Variants in EXOC4 observed in about 807,000 individuals in gnomAD.
EXOC4 encodes SEC8-like 1.
In EXOC4, 71 loss-of-function variants were observed where a neutral mutation model predicts 107.2. That is an observed-to-expected ratio of 0.66 (90% CI 0.55 to 0.81). EXOC4 has a LOEUF of 0.81. Ranked by LOEUF, EXOC4 falls within the 30% of genes least tolerant of loss-of-function variation. EXOC4 has a pLI of 0.00. For missense variants in EXOC4, 1,108 were observed against 1,189.6 expected (o/e 0.93, Z 1.01); for synonymous variants, 456 against 441.2 (o/e 1.03, Z -0.42).
chr7:134,033,698 C>T (rs1795321611), intron 17 of EXOC4, among the ~76,000 whole-genome samples: 1 of 152,056 alleles, frequency 6.6e-6, no homozygotes. Context: ...TGTTGGGTGC[C>T]CAGTTCAGTG....
At chr7:133,565,606 CA>C (rs1438587982) in intron 9 of EXOC4, among the ~76,000 whole-genome samples, 3 of 152,264 alleles carry the variant, frequency 2.0e-5, no homozygotes, top group South Asian at 2.1e-4. Context: ...TTCAGATATA[CA>C]GTAACCAATC....
At chr7:134,092,708 G>A in the EXOC4 span, among the ~76,000 whole-genome samples, 1 of 151,976 alleles carries the variant, frequency 6.6e-6, no homozygotes, top group Non-Finnish European at 1.5e-5. Flanking sequence ...ATCGTGAAGG[G>A]AGTTATATAC....
rs869078453 is a variant in EXOC4 at position 133,661,689 on chromosome 7, CA to C, written c.1514+31562del. Among the ~76,000 whole-genome samples, 16 of 23,676 alleles carry C rather than the reference CA, an allele frequency of 6.8e-4. No individual in the cohort carries two copies. In the South Asian group the frequency reaches 0.011, roughly 16 times the overall value. The allele number at this position is 23,676 out of a possible 152,430, so 15.5% of individuals were successfully genotyped here. On this transcript the variant is annotated intron_variant, in intron 10 of 17. Coordinates refer to ENST00000253861, the MANE Select transcript of EXOC4 (RefSeq NM_021807.4). ...CTTAAAACTAAAAAAAAAAAAAAAA[CA>C]AAAAAAAAAAAAACAAGAATTTTGA...
intron 9 of EXOC4, among the ~76,000 whole-genome samples, chr7:133,511,048 A>G (rs998435388): frequency 5.3e-5 from 8 of 152,142 alleles, no homozygotes; most frequent in Non-Finnish European, 8.8e-5. Context: ...TAAAATACCT[A>G]AAGTTTGGAC....
At chr7:133,748,144 C>T (rs1795717003) in intron 10 of EXOC4, among the ~76,000 whole-genome samples, 1 of 152,180 alleles carries the variant, frequency 6.6e-6, no homozygotes. Flanking sequence ...AGAGACACTG[C>T]AAAGCCTGTA....
the EXOC4 span, among the ~76,000 whole-genome samples, chr7:134,092,927 A>C: frequency 6.6e-6 from 1 of 151,532 alleles, no homozygotes; most frequent in Non-Finnish European, 1.5e-5. Context: ...CATCTCAAAA[A>C]AAAAAAAAAA....
At chr7:133,338,256 A>G (rs1378823043) in intron 5 of EXOC4, among the ~76,000 whole-genome samples, 1 of 152,076 alleles carries the variant, frequency 6.6e-6, no homozygotes, top group African/African-American at 2.4e-5. Flanking sequence ...AATATACCTC[A>G]TATACACTAA....
chr7:133,819,941 A>C (rs936064935), intron 11 of EXOC4, among the ~76,000 whole-genome samples: 1 of 152,176 alleles, frequency 6.6e-6, no homozygotes, highest in Non-Finnish European at 1.5e-5. Flanking sequence ...TGCCTGTCAG[A>C]TCACTCCCAA....
chr7:133,748,669 C>T (rs1795726222), intron 10 of EXOC4, among the ~76,000 whole-genome samples: 1 of 152,180 alleles, frequency 6.6e-6, no homozygotes, highest in South Asian at 2.1e-4. Flanking sequence ...CCTGTGCTCT[C>T]TCCCTTCCCT....
At chr7:133,874,297 A>G (rs1234914910) in intron 11 of EXOC4, among the ~76,000 whole-genome samples, 7 of 152,204 alleles carry the variant, frequency 4.6e-5, no homozygotes, top group Non-Finnish European at 1.0e-4. Flanking sequence ...TCTGCATGGA[A>G]AAGTCATATA....
intron 9 of EXOC4, among the ~76,000 whole-genome samples, chr7:133,619,510 C>T (rs1355093155): frequency 6.6e-6 from 1 of 152,154 alleles, no homozygotes; most frequent in Non-Finnish European, 1.5e-5. Context: ...GGTTTATTCA[C>T]ATCAGAAATC....
chr7:133,962,499 G>C (rs1407514170), intron 14 of EXOC4, among the ~76,000 whole-genome samples: 1 of 152,086 alleles, frequency 6.6e-6, no homozygotes, highest in East Asian at 1.9e-4. Flanking sequence ...CATAGCTTCA[G>C]CCCGGGCAGA....
At chr7:133,517,704 C>CA (rs1016141160) in intron 9 of EXOC4, among the ~76,000 whole-genome samples, 1 of 151,852 alleles carries the variant, frequency 6.6e-6, no homozygotes, top group South Asian at 2.1e-4. Flanking sequence ...TCAATTACCC[C>CA]CCACTGGATT....
At chr7:133,997,757 C>A in intron 15 of EXOC4, 124 bp downstream of exon 15, 1 of 1,121,558 alleles carries the variant, frequency 8.9e-7, no homozygotes, top group Non-Finnish European at 1.3e-6. Flanking sequence ...TCCCTTTTTA[C>A]ACTGAAAGTG....
At chr7:133,550,159 G>T (rs764165541) in intron 9 of EXOC4, among the ~76,000 whole-genome samples, 1 of 152,100 alleles carries the variant, frequency 6.6e-6, no homozygotes, top group Non-Finnish European at 1.5e-5. Context: ...GAGGTGTTAC[G>T]TAGGAAATCA....
intron 10 of EXOC4, among the ~76,000 whole-genome samples, chr7:133,786,179 C>G (rs1796565552): frequency 1.3e-5 from 2 of 152,182 alleles, no homozygotes; most frequent in African/African-American, 4.8e-5. Context: ...GAATCTAACC[C>G]TTTGGAAGGA....
chr7:133,429,521 A>T (rs563444047), intron 7 of EXOC4, among the ~76,000 whole-genome samples: 1 of 152,226 alleles, frequency 6.6e-6, no homozygotes, highest in Non-Finnish European at 1.5e-5. Flanking sequence ...TTTTGCAACT[A>T]TCACCACTGT....
chr7:133,847,537 ATTTTT>A (rs34297470), intron 11 of EXOC4, among the ~76,000 whole-genome samples: 5 of 127,190 alleles, frequency 3.9e-5, no homozygotes, highest in African/African-American at 1.5e-4. Flanking sequence ...TACACCAGCT[ATTTTT>A]TTTTTTTTTT....
At chr7:133,761,343 G>T (rs1796028209) in intron 10 of EXOC4, among the ~76,000 whole-genome samples, 1 of 151,950 alleles carries the variant, frequency 6.6e-6, no homozygotes, top group South Asian at 2.1e-4. Context: ...AAAAAGCCTT[G>T]TATTTTCTAC....
Sources: allele counts gnomAD v4.1 joint callset (sites outside exome capture counted in the v4.1 genomes callset), GRCh38; gene constraint gnomAD v4.1.1; transcripts MANE v1.5; gene names NCBI Gene and HGNC (gene_info 2026-07-23, HGNC 2026-07-21).